The following GNAI2 variants were observed in gnomAD, a reference collection of about 807,000 sequenced individuals.
GNAI2 encodes the protein guanine nucleotide-binding protein G(i) subunit alpha-2.
In GNAI2, 4 loss-of-function variants were observed where a neutral mutation model predicts 36.8. The ratio of observed to expected loss-of-function variants is 0.11; its 90% CI spans 0.05 to 0.25. The LOEUF (loss-of-function observed/expected upper bound fraction) is 0.25, where lower values mean the gene tolerates loss of function less well. Among genes scored for constraint, GNAI2 ranks in the 10% least tolerant of loss-of-function variants. GNAI2 has a pLI of 1.00. For missense variants in GNAI2, 230 were observed against 481.3 expected, an observed-to-expected ratio of 0.48 and a Z score of 4.89; for synonymous variants, 194 against 194.1, an observed-to-expected ratio of 1.00 and a Z score of 0.01.
In GNAI2 at chr3:50,245,270, A is replaced by T. The variant is rs189920331; in HGVS notation, c.119-6830A>T. Among the ~76,000 whole-genome samples, 800 of 152,182 alleles carry T rather than the reference A, an allele frequency of 5.3e-3. 7 individuals carry two copies. The highest frequency in any genetic ancestry group is 0.018 in the African/African-American group (751 of 41,530). ...ACCTCAGCCTCCCAAAGTGCTGGGA[A>T]TACAGGCGTGAGCCACCCCGCCCCG... On this transcript the variant is annotated intron_variant, in intron 1 of 8. Coordinates refer to ENST00000313601, the MANE Select transcript of GNAI2 (RefSeq NM_002070.4).
chr3:50,230,828 G>A (rs926527892), exon 1 of GNAI2: 8 of 985,424 alleles, frequency 8.1e-6, no homozygotes, highest in Admixed American at 1.2e-4. Context: ...TCTGGTGCTC[G>A]TGAGGCCCTG....
chr3:50,251,620 GC>G, intron 1 of GNAI2: 17 of 1,289,624 alleles, frequency 1.3e-5, no homozygotes, highest in Non-Finnish European at 1.7e-5. Flanking sequence ...TCCTGCTTAG[GC>G]CCCTGGTTGC....
At chr3:50,250,810 C>CCTT (rs1700537466) in intron 1 of GNAI2, among the ~76,000 whole-genome samples, 2 of 136,660 alleles carry the variant, frequency 1.5e-5, no homozygotes, top group Admixed American at 7.4e-5. Flanking sequence ...TGGGAGTCTG[C>CCTT]TTTTTTTTTT....
chr3:50,258,989 C>A lies in GNAI2; in HGVS notation c.*646C>A, dbSNP rs781798088. The A allele has an allele frequency of 2.5e-4, 110 of 444,624 alleles. No individual in the cohort carries two copies. The highest frequency in any genetic ancestry group is 4.1e-4 in the Non-Finnish European group (91 of 223,980). 27.5% of individuals were successfully genotyped at this position (444,624 alleles called of 1,614,324 possible). On this transcript the variant is annotated 3_prime_UTR_variant, in exon 9 of 9. Coordinates refer to ENST00000313601, the MANE Select transcript of GNAI2 (RefSeq NM_002070.4). ...GACCAGCAAGCCCCCCCCCAGCCCC[C>A]CTTCCAAGTGACTCCGTGCCTTGAG...
Position 50,256,951 on chromosome 3 carries a change from G to C in GNAI2, c.738G>C (p.Glu246Asp). 1 of 1,614,146 alleles carries C rather than the reference G, an allele frequency of 6.2e-7. No homozygotes were observed. Among genetic ancestry groups the C allele is most frequent in the Non-Finnish European group, 8.5e-7 (1 of 1,180,006 alleles). Residue 246 changes from glutamate (E) to aspartate (D), a missense_variant, in exon 7 of 9, where the codon GAG (glutamate) becomes GAC (aspartate). Physicochemically the swap from Glu to Asp is conservative, Grantham distance 45. Coordinates refer to ENST00000313601, the MANE Select transcript of GNAI2 (RefSeq NM_002070.4). The part of the protein sequence containing the change: ...AEDEEMNRMH[E>D]SMKLFDSICN... ...TCTACCCCCAGAACCGCATGCATGA[G>C]AGCATGAAGCTATTCGATAGCATCT...
intron 1 of GNAI2, among the ~76,000 whole-genome samples, chr3:50,243,914 ATTC>A (rs1292991571): frequency 6.6e-6 from 1 of 151,880 alleles, no homozygotes; most frequent in Non-Finnish European, 1.5e-5. Context: ...TCGGGCCTCA[ATTC>A]TTCTTTTAGG....
intron 1 of GNAI2, among the ~76,000 whole-genome samples, chr3:50,243,389 C>T (rs1265548638): frequency 6.6e-6 from 1 of 152,246 alleles, no homozygotes; most frequent in East Asian, 1.9e-4. Context: ...CCATTGCTCT[C>T]CAAAGCCGGA....
intron 1 of GNAI2, among the ~76,000 whole-genome samples, chr3:50,248,751 C>T (rs1700478318): frequency 6.6e-6 from 1 of 151,988 alleles, no homozygotes; most frequent in Non-Finnish European, 1.5e-5. Flanking sequence ...TTCAGTGACC[C>T]CTGCTTGGGA....
intron 1 of GNAI2, among the ~76,000 whole-genome samples, chr3:50,243,670 T>G (rs1700348919): frequency 6.6e-6 from 1 of 152,252 alleles, no homozygotes; most frequent in South Asian, 2.1e-4. Context: ...CCTGTGAGGC[T>G]GGGACTGATA....
intron 1 of GNAI2, among the ~76,000 whole-genome samples, chr3:50,243,803 C>T (rs782099011): frequency 3.3e-5 from 5 of 152,266 alleles, no homozygotes; most frequent in Middle Eastern, 3.4e-3. Flanking sequence ...TGCCATGGCC[C>T]TTTGGGAGTC....
rs1700570713 is a variant in GNAI2 at position 50,252,046 on chromosome 3, G to A, written c.119-54G>A. 1 of 1,557,204 alleles carries A rather than the reference G, an allele frequency of 6.4e-7. No homozygotes were observed. Among genetic ancestry groups the A allele is most frequent in the Non-Finnish European group, 8.9e-7 (1 of 1,129,634 alleles). On this transcript the variant is annotated intron_variant, in intron 1 of 8. Transcript: ENST00000313601. The surrounding 1 kb of genome is among the most constrained non-coding windows in gnomAD (Gnocchi z 4.1). ...ACAGGTGTCTGGGCATTTGTTCTGT[G>A]CCTGTGGAGCCCCTCTGGGCCTGCC...
intron 7 of GNAI2, 89 bp from the exon 8 acceptor site, chr3:50,257,411 C>T: frequency 1.2e-6 from 1 of 838,976 alleles, no homozygotes; most frequent in South Asian, 1.8e-5. Context: ...GTATGCCTGG[C>T]CGTCCACACG....
At chr3:50,239,539 A>G (rs1700255590) in intron 1 of GNAI2, 1 of 152,216 alleles carries the variant, frequency 6.6e-6, no homozygotes, top group Non-Finnish European at 1.5e-5. Context: ...TTGTTGAATG[A>G]AGGAAGTATC....
chr3:50,231,564 C>T (rs911013873), upstream of GNAI2, among the ~76,000 whole-genome samples: 1 of 152,228 alleles, frequency 6.6e-6, no homozygotes, highest in African/African-American at 2.4e-5. Context: ...CTCGAGCCAC[C>T]GCACCCGGCC....
rs1019015009 is a variant in GNAI2, at chr3:50,241,653, A to G, written c.118+5200A>G. ...GACAGAGGGCAGAGCAGGTGTGAGG[A>G]CAGAGAGAATGAGCCGCGCTGCTGT... On this transcript the variant is annotated intron_variant, in intron 1 of 8. Transcript: ENST00000313601. The surrounding 1 kb of genome is among the most constrained non-coding windows in gnomAD (Gnocchi z 5.0). Among the ~76,000 whole-genome samples, 1 of 152,290 alleles carries G rather than the reference A, an allele frequency of 6.6e-6. No individual in the cohort carries two copies. The highest frequency in any genetic ancestry group is 2.4e-5 in the African/African-American group (1 of 41,552).
chr3:50,250,757 G>A (rs1403283062), intron 1 of GNAI2, among the ~76,000 whole-genome samples: 1 of 151,866 alleles, frequency 6.6e-6, no homozygotes, highest in East Asian at 1.9e-4. Context: ...AGGCTCCTGG[G>A]CTGCACTCCT....
At chr3:50,227,143 C>A, upstream of GNAI2, 1 of 1,439,460 alleles carries the variant, frequency 6.9e-7, no homozygotes, top group Admixed American at 2.6e-5. The surrounding 1 kb of genome is among the most constrained non-coding windows in gnomAD (Gnocchi z 5.9). Context: ...GGTGTGAAGA[C>A]GCTAGGCTGG....
Position 50,258,641 on chromosome 3 carries a change from G to A in GNAI2, c.*298G>A, listed in dbSNP as rs1381949209. 1 of 322,406 alleles carries A rather than the reference G, an allele frequency of 3.1e-6. No homozygotes were observed. Among genetic ancestry groups the A allele is most frequent in the Non-Finnish European group, 6.0e-6 (1 of 165,370 alleles). 20.0% of individuals were successfully genotyped at this position (322,406 alleles called of 1,614,324 possible). ...GTCTTGTTCTGTGATGAGGGGAGGG[G>A]GGCACATGCTGAGTCTCCCAAGGCT... On this transcript the variant is annotated 3_prime_UTR_variant, in exon 9 of 9. Transcript: ENST00000313601.
chr3:50,228,288 A>C (rs1335902876), upstream of GNAI2, among the ~76,000 whole-genome samples: 1 of 152,186 alleles, frequency 6.6e-6, no homozygotes, highest in Non-Finnish European at 1.5e-5. Flanking sequence ...ACGGTAGCTC[A>C]CGCCTGTAAT....
Sources: gnomAD v4.1 joint callset for allele counts (sites outside exome capture counted in the v4.1 genomes callset) on GRCh38, gnomAD v4.1.1 for gene constraint, Gnocchi (gnomAD v3.1) non-coding constraint, MANE v1.5 for transcripts, NCBI Gene and HGNC (gene_info 2026-07-23, HGNC 2026-07-21) for gene names.